Variants in TRIM56 observed in about 807,000 individuals in gnomAD.
The protein encoded by TRIM56 is tripartite motif containing 56.
TRIM56 carries 10 observed loss-of-function variants against 17.1 expected under a neutral mutation model. That is an observed-to-expected ratio of 0.58 (90% CI 0.36 to 0.99). The LOEUF (loss-of-function observed/expected upper bound fraction) is 0.99. TRIM56 is among the 50% of genes least tolerant of loss of function. The pLI, the probability that TRIM56 is intolerant of heterozygous loss-of-function variation, is 0.01. For synonymous variants in TRIM56, 503 were observed against 473.5 expected, an observed-to-expected ratio of 1.06 and a Z score of -0.81; for missense variants, 923 against 1,052.3, an observed-to-expected ratio of 0.88 and a Z score of 1.70.
Position 101,087,634 on chromosome 7 carries a change from G to A in TRIM56, c.322G>A (p.Gly108Ser). The A allele has an allele frequency of 6.2e-7, 1 of 1,610,978 alleles. No individual in the cohort carries two copies. The highest frequency in any genetic ancestry group is 1.3e-5 in the African/African-American group (1 of 75,006). ...AGCCTGTGCCCTGTGTCCCCTGGTGGGTGGCACCAGCACCGGGGGGCCGGC... is the reference window on the plus strand; with the variant it reads ...AGCCTGTGCCCTGTGTCCCCTGGTGAGTGGCACCAGCACCGGGGGGCCGGC... Reference protein sequence around the residue: ...KPACALCPLVGGTSTGGPATA... With the variant: ...KPACALCPLVSGTSTGGPATA... The change falls in exon 3 of 3, where the codon GGT becomes AGT. Residue 108 changes from glycine to serine, a missense_variant. Gly to Ser is a moderately conservative substitution (Grantham distance 56). This residue lies in a region of TRIM56 where 643 missense variants were observed against 665.6 expected (regional missense o/e 0.97). Transcript: ENST00000306085.
rs1432432760 is a variant in TRIM56, at chr7:101,092,576, T to TG, written c.*3002dup. On this transcript the variant is annotated 3_prime_UTR_variant, in exon 3 of 3. Coordinates refer to ENST00000306085, the MANE Select transcript of TRIM56 (RefSeq NM_030961.3). ...GCAGCCGCCCCGTCCGGGAGGGAGG[T>TG]GGGGGGTCAGCCCCCTCCCGGCCAG... 57 of 121,968 alleles carry TG rather than the reference T, an allele frequency of 4.7e-4. 1 individual carries two copies. The highest frequency in any genetic ancestry group is 1.9e-3 in the South Asian group (7 of 3,672). The allele number at this position is 121,968 out of a possible 1,614,324, so 7.6% of individuals were successfully genotyped here.
Position 101,090,951 on chromosome 7 carries a change from C to T in TRIM56, c.*1371C>T, listed in dbSNP as rs1359046545. 3.3e-5 allele frequency: 5 copies of T among 152,198 alleles called. No individual in the cohort carries two copies. The highest frequency in any genetic ancestry group is 7.3e-5 in the Non-Finnish European group (5 of 68,062). 9.4% of individuals were successfully genotyped at this position (152,198 alleles called of 1,614,324 possible). ...GAACTAGGGGGTGAAGGAAGGTTGT[C>T]CTCTGTGGGCCACTATTGCTGGGGA... On this transcript the variant is annotated 3_prime_UTR_variant, in exon 3 of 3. Transcript: ENST00000306085.
Position 101,087,518 on chromosome 7 carries a change from G to C in TRIM56, c.206G>C (p.Gly69Ala), listed in dbSNP as rs1226773903. Residue 69 changes from glycine (G) to alanine (A), a missense_variant, in exon 3 of 3, where the codon GGT (glycine) becomes GCT (alanine). Gly to Ala is a moderately conservative substitution (Grantham distance 60). This residue lies in a region of TRIM56 where 98 missense variants were observed against 143.6 expected (regional missense o/e 0.68). Transcript: ENST00000306085. Reference sequence around the variant, plus strand: ...GAGACAGTGCCTGTGCCGCCCGAGGGTGTGGCCTCCTTCAAGACCAACTTC... The same window carrying C: ...GAGACAGTGCCTGTGCCGCCCGAGGCTGTGGCCTCCTTCAAGACCAACTTC... ...CRETVPVPPE[G>A]VASFKTNFFV... The C allele has an allele frequency of 6.2e-7, 1 of 1,613,266 alleles. No individual in the cohort carries two copies. The highest frequency in any genetic ancestry group is 8.5e-7 in the Non-Finnish European group (1 of 1,179,692).
In TRIM56 at chr7:101,090,606, GAAAAAAAAA is replaced by G. The variant is rs55729518; in HGVS notation, c.*1041_*1049del. On this transcript the variant is annotated 3_prime_UTR_variant, in exon 3 of 3. Transcript: ENST00000306085. ...ACCACTGCATTCCAGACCCCATCTC[GAAAAAAAAA>G]AAAAAAAAAAAAAACAGAAACAACA... is the stretch of plus-strand genomic sequence containing the variant. 1 of 45,418 alleles carries G rather than the reference GAAAAAAAAA, an allele frequency of 2.2e-5. No homozygotes were observed. Among genetic ancestry groups the G allele is most frequent in the African/African-American group, 9.2e-5 (1 of 10,824 alleles). 2.8% of individuals were successfully genotyped at this position (45,418 alleles called of 1,614,324 possible). A position where few individuals can be genotyped will look rare whatever the true frequency, so the allele number is the denominator to read the frequency against.
At position 101,087,356 on chromosome 7, in the gene TRIM56, G is replaced by A; in HGVS notation, c.44G>A (p.Ser15Asn). ...TCGCCCTCCCTCCTGGAGGCCCTGA[G>A]CAGCGACTTCCTGGCCTGTAAAATC... is the stretch of plus-strand genomic sequence containing the variant. ...GSSPSLLEAL[S>N]SDFLACKICL... The change falls in exon 3 of 3, where the codon AGC becomes AAC. Residue 15 changes from serine to asparagine, a missense_variant. This residue lies in a region of TRIM56 where 98 missense variants were observed against 143.6 expected (regional missense o/e 0.68). Coordinates refer to ENST00000306085, the MANE Select transcript of TRIM56 (RefSeq NM_030961.3). The A allele has an allele frequency of 6.2e-7, 1 of 1,612,994 alleles. No individual in the cohort carries two copies. The highest frequency in any genetic ancestry group is 8.5e-7 in the Non-Finnish European group (1 of 1,180,006).
At position 101,089,561 on chromosome 7, in the gene TRIM56, T is replaced by C. The variant is rs752413384; in HGVS notation, c.2249T>C (p.Val750Ala). The change falls in exon 3 of 3, where the codon GTC (valine) becomes GCC (alanine). Residue 750 changes from valine (V) to alanine (A), a missense_variant. Around this residue, in one of 3 missense-constraint regions of TRIM56, gnomAD observed 182 missense variants for 243.1 expected, o/e 0.75. Transcript: ENST00000306085. Reference protein sequence around the residue: ...LSNGTIHIFRVRSPDS With the variant: ...LSNGTIHIFRARSPDS The stretch of plus-strand genomic sequence containing the variant: ...AACGGGACCATCCACATCTTTCGGG[T>C]CCGTTCTCCGGACAGTTAAAGGGGC... 6.2e-7 allele frequency: 1 copy of C among 1,613,362 alleles called. No individual in the cohort carries two copies. Among genetic ancestry groups the C allele is most frequent in the Admixed American group, 1.7e-5 (1 of 59,934 alleles).
chr7:101,091,699 C>T lies in TRIM56; in HGVS notation c.*2119C>T, dbSNP rs775102485. 3.3e-5 allele frequency: 15 copies of T among 448,446 alleles called. No homozygotes were observed. The highest frequency in any genetic ancestry group is 9.4e-5 in the South Asian group (6 of 63,840). 27.8% of individuals were successfully genotyped at this position (448,446 alleles called of 1,614,324 possible). ...CTCAGATCGCACCATTGCACTCCAGCCTGGGTAACAAGAATGAAACTCCAT... is the reference window on the plus strand; with the variant it reads ...CTCAGATCGCACCATTGCACTCCAGTCTGGGTAACAAGAATGAAACTCCAT... On this transcript the variant is annotated 3_prime_UTR_variant, in exon 3 of 3. Transcript: ENST00000306085.
chr7:101,088,304 G>T lies in TRIM56; in HGVS notation c.992G>T (p.Arg331Leu). The change falls in exon 3 of 3, where the codon CGG becomes CTG. Residue 331 changes from arginine (R) to leucine (L), a missense_variant. Transcript: ENST00000306085. ...TCCCTGGAAGGGGCGATCGCACAGC[G>T]GCTCAGGCAGCTGCAGGGCTGCCCC... ...ILSLEGAIAQ[R>L]LRQLQGCPWA... 2 of 1,526,172 alleles carry T rather than the reference G, an allele frequency of 1.3e-6. No homozygotes were observed. The highest frequency in any genetic ancestry group is 2.3e-5 in the East Asian group (1 of 43,860). 94.5% of individuals were successfully genotyped at this position (1,526,172 alleles called of 1,614,324 possible).
intron 1 of TRIM56, chr7:101,086,657 G>A (rs1375119428): frequency 2.0e-5 from 3 of 152,348 alleles, no homozygotes; most frequent in African/African-American, 7.3e-5. Flanking sequence ...TGAGGCTGCA[G>A]TGAACTACGA....
chr7:101,097,549 A>T lies in TRIM56; in HGVS notation c.*7969A>T, dbSNP rs1317478623. 1 of 152,260 alleles carries T rather than the reference A, an allele frequency of 6.6e-6. No homozygotes were observed. Among genetic ancestry groups the T allele is most frequent in the African/African-American group, 2.4e-5 (1 of 41,460 alleles). The allele number at this position is 152,260 out of a possible 1,614,324, so 9.4% of individuals were successfully genotyped here. ...AACTGCAGACTCCTGTGATTGGAGC[A>T]GTATACAAAGTACAGCAACATCAGA... On this transcript the variant is annotated 3_prime_UTR_variant, in exon 3 of 3. Coordinates refer to ENST00000306085, the MANE Select transcript of TRIM56 (RefSeq NM_030961.3).
At chr7:101,087,285 C>T (rs372043974) in intron 2 of TRIM56, 27 bp from the exon 3 acceptor site, 24 of 1,595,160 alleles carry the variant, frequency 1.5e-5, no homozygotes, top group East Asian at 4.5e-5. Context: ...GCCTTCTCAA[C>T]TCTGATCCTG....
rs1336694767 is a variant in TRIM56, at chr7:101,091,043, G to A, written c.*1463G>A. ...AAGAAAACCTAGAAGGTGCAATGGG[G>A]CTGCGACGGATAGAGGTGTCAAACC... On this transcript the variant is annotated 3_prime_UTR_variant, in exon 3 of 3. Transcript: ENST00000306085. 6.6e-6 allele frequency: 1 copy of A among 152,300 alleles called. No homozygotes were observed. Among genetic ancestry groups the A allele is most frequent in the Non-Finnish European group, 1.5e-5 (1 of 68,100 alleles). 9.4% of individuals were successfully genotyped at this position (152,300 alleles called of 1,614,324 possible).
rs893197808 is a variant in TRIM56, at chr7:101,095,898, A to G, written c.*6318A>G. 2.6e-5 allele frequency: 4 copies of G among 152,190 alleles called. No homozygotes were observed. The highest frequency in any genetic ancestry group is 4.4e-5 in the Non-Finnish European group (3 of 68,044). The allele number at this position is 152,190 out of a possible 1,614,324, so 9.4% of individuals were successfully genotyped here. A position where few individuals can be genotyped will look rare whatever the true frequency, so the allele number is the denominator to read the frequency against. On this transcript the variant is annotated 3_prime_UTR_variant, in exon 3 of 3. Coordinates refer to ENST00000306085, the MANE Select transcript of TRIM56 (RefSeq NM_030961.3). ...GGACTAAGGCAGAGTTCCCAGTTAT[A>G]TCGCAGATACAAAGAGACCAGGAAC... is the stretch of plus-strand genomic sequence containing the variant.
rs1426264135 is a variant in TRIM56 at position 101,097,725 on chromosome 7, C to T, written c.*8145C>T. 6.6e-6 allele frequency: 1 copy of T among 152,182 alleles called. No individual in the cohort carries two copies. The highest frequency in any genetic ancestry group is 1.5e-5 in the Non-Finnish European group (1 of 68,052). 9.4% of individuals were successfully genotyped at this position (152,182 alleles called of 1,614,324 possible). On this transcript the variant is annotated 3_prime_UTR_variant, in exon 3 of 3. Transcript: ENST00000306085. ...TGGTTGACTTAGCAACCAAGGGACA[C>T]TGGGTCAAAGACGAGGAATCAGGAC... is the stretch of plus-strand genomic sequence containing the variant.
At position 101,096,707 on chromosome 7, in the gene TRIM56, A is replaced by G. The variant is rs1309516084; in HGVS notation, c.*7127A>G. The G allele has an allele frequency of 6.6e-6, 1 of 152,230 alleles. No homozygotes were observed. The highest frequency in any genetic ancestry group is 1.5e-5 in the Non-Finnish European group (1 of 68,040). The allele number at this position is 152,230 out of a possible 1,614,324, so 9.4% of individuals were successfully genotyped here. A position where few individuals can be genotyped will look rare whatever the true frequency, so the allele number is the denominator to read the frequency against. On this transcript the variant is annotated 3_prime_UTR_variant, in exon 3 of 3. Coordinates refer to ENST00000306085, the MANE Select transcript of TRIM56 (RefSeq NM_030961.3). Reference sequence around the variant, plus strand: ...TACCCCTCCATCAGCATAAGCGTGTATGAGGATGTTAGGTACATGTGTTGT... The same window carrying G: ...TACCCCTCCATCAGCATAAGCGTGTGTGAGGATGTTAGGTACATGTGTTGT...
rs1795490565 is a variant in TRIM56, at chr7:101,088,291, G to T, written c.979G>T (p.Ala327Ser). 1 of 1,522,722 alleles carries T rather than the reference G, an allele frequency of 6.6e-7. No homozygotes were observed. Among genetic ancestry groups the T allele is most frequent in the African/African-American group, 1.4e-5 (1 of 72,330 alleles). The allele number at this position is 1,522,722 out of a possible 1,614,324, so 94.3% of individuals were successfully genotyped here. The change falls in exon 3 of 3, where the codon GCG (alanine) becomes TCG (serine). Residue 327 changes from alanine (A) to serine (S), a missense_variant. Coordinates refer to ENST00000306085, the MANE Select transcript of TRIM56 (RefSeq NM_030961.3). ...REAEILSLEGAIAQRLRQLQG... is the reference protein window; with the variant it reads ...REAEILSLEGSIAQRLRQLQG... ...GGCCGAGATCCTCTCCCTGGAAGGG[G>T]CGATCGCACAGCGGCTCAGGCAGCT... is the stretch of plus-strand genomic sequence containing the variant.
rs1020067142 is a variant in TRIM56 at position 101,091,325 on chromosome 7, C to G, written c.*1745C>G. Reference sequence around the variant, plus strand: ...AAAGAAAATCCCTTTCTGGGAAAACCATTTCTTGTTTATTGAAACAATGCA... The same window carrying G: ...AAAGAAAATCCCTTTCTGGGAAAACGATTTCTTGTTTATTGAAACAATGCA... On this transcript the variant is annotated 3_prime_UTR_variant, in exon 3 of 3. Transcript: ENST00000306085. The G allele has an allele frequency of 6.3e-6, 1 of 159,728 alleles. No individual in the cohort carries two copies. Among genetic ancestry groups the G allele is most frequent in the Admixed American group, 6.1e-5 (1 of 16,480 alleles). The allele number at this position is 159,728 out of a possible 1,614,324, so 9.9% of individuals were successfully genotyped here.
rs918131440 is a variant in TRIM56 at position 101,092,958 on chromosome 7, T to A, written c.*3378T>A. 3 of 179,312 alleles carry A rather than the reference T, an allele frequency of 1.7e-5. No individual in the cohort carries two copies. Among genetic ancestry groups the A allele is most frequent in the African/African-American group, 7.2e-5 (3 of 41,782 alleles). The allele number at this position is 179,312 out of a possible 1,614,324, so 11.1% of individuals were successfully genotyped here. Reference sequence around the variant, plus strand: ...GTTGCCGTGTCTGTGTAGAAAGAAGTAGACATGGGAGACTTCATTTTGTTC... The same window carrying A: ...GTTGCCGTGTCTGTGTAGAAAGAAGAAGACATGGGAGACTTCATTTTGTTC... On this transcript the variant is annotated 3_prime_UTR_variant, in exon 3 of 3. Transcript: ENST00000306085.
At chr7:101,086,059 G>A (rs1252898269) in intron 1 of TRIM56, among the ~76,000 whole-genome samples, 1 of 152,186 alleles carries the variant, frequency 6.6e-6, no homozygotes, top group Non-Finnish European at 1.5e-5. Flanking sequence ...GTTAAATGCA[G>A]AAAGTGGGGC....
Sources: gnomAD v4.1 joint callset for allele counts (sites outside exome capture counted in the v4.1 genomes callset) on GRCh38, gnomAD v4.1.1 for gene constraint, gnomAD v4.1.1 regional missense constraint, MANE v1.5 for transcripts, NCBI Gene and HGNC (gene_info 2026-07-23, HGNC 2026-07-21) for gene names.